Variants in ST8SIA1 observed in about 807,000 individuals in gnomAD.
ST8SIA1 encodes the protein alpha-N-acetylneuraminide alpha-2,8-sialyltransferase.
In ST8SIA1, 16 loss-of-function variants were observed where a neutral mutation model predicts 35.9. That is an observed-to-expected ratio of 0.45 (90% CI 0.30 to 0.68). The LOEUF (loss-of-function observed/expected upper bound fraction) is 0.68, where lower values mean the gene tolerates loss of function less well. Ranked by LOEUF, ST8SIA1 falls within the 30% of genes least tolerant of loss-of-function variation. ST8SIA1 has a pLI of 0.09. For synonymous variants in ST8SIA1, 170 were observed against 169.6 expected, an observed-to-expected ratio of 1.00 and a Z score of -0.02; for missense variants, 383 against 453.6, an observed-to-expected ratio of 0.84 and a Z score of 1.41.
rs1403798075 is a variant in ST8SIA1 at position 22,194,181 on chromosome 12, A to C, written c.*7371T>G. ...TTGTGAGTCCTGTATATTAATTATA[A>C]GGGGAGTGTCTATAGTAACCTATCA... On this transcript the variant is annotated 3_prime_UTR_variant, in exon 5 of 5. Coordinates refer to ENST00000396037, the MANE Select transcript of ST8SIA1 (RefSeq NM_003034.4). 3.3e-5 allele frequency: 5 copies of C among 152,160 alleles called. No homozygotes were observed. The highest frequency in any genetic ancestry group is 7.4e-5 in the Non-Finnish European group (5 of 68,026). 9.4% of individuals were successfully genotyped at this position (152,160 alleles called of 1,614,324 possible). A position where few individuals can be genotyped will look rare whatever the true frequency, so the allele number is the denominator to read the frequency against.
chr12:22,266,848 TACAC>T (rs145606826), intron 2 of ST8SIA1, among the ~76,000 whole-genome samples: 2,498 of 144,992 alleles, frequency 0.017, 18 homozygotes, highest in Middle Eastern at 0.049. Flanking sequence ...CACAAAAGTA[TACAC>T]ACACACACAC....
chr12:22,328,207 T>G (rs1203462044), intron 1 of ST8SIA1, among the ~76,000 whole-genome samples: 2 of 152,258 alleles, frequency 1.3e-5, no homozygotes, highest in Non-Finnish European at 2.9e-5. Context: ...CTTACTCCTC[T>G]GATCTGCTAC....
chr12:22,257,403 T>TA (rs1865740894), intron 2 of ST8SIA1, among the ~76,000 whole-genome samples: 1 of 120,868 alleles, frequency 8.3e-6, no homozygotes, highest in African/African-American at 3.1e-5. Flanking sequence ...TTTTTTTTTT[T>TA]AGTAGAGATA....
intron 2 of ST8SIA1, among the ~76,000 whole-genome samples, chr12:22,286,219 A>T (rs1423589719): frequency 6.6e-6 from 1 of 152,230 alleles, no homozygotes; most frequent in Non-Finnish European, 1.5e-5. Context: ...TAAGACCATT[A>T]AACTAGACTA....
chr12:22,249,918 C>T (rs2120752721), intron 3 of ST8SIA1, among the ~76,000 whole-genome samples: 1 of 152,246 alleles, frequency 6.6e-6, no homozygotes, highest in African/African-American at 2.4e-5. Context: ...GCATTCAGGG[C>T]CATGTACTAT....
At chr12:22,251,674 G>A (rs890145608) in intron 3 of ST8SIA1, among the ~76,000 whole-genome samples, 1 of 152,278 alleles carries the variant, frequency 6.6e-6, no homozygotes, top group Admixed American at 6.5e-5. Context: ...TAATTGTGGT[G>A]TAAAATGTTT....
At chr12:22,251,887 A>AT (rs1197499887) in intron 3 of ST8SIA1, among the ~76,000 whole-genome samples, 1 of 152,112 alleles carries the variant, frequency 6.6e-6, no homozygotes, top group African/African-American at 2.4e-5. Flanking sequence ...AATTACTTTA[A>AT]TTTTTTTGTA....
At chr12:22,261,655 T>C (rs1353410153) in intron 2 of ST8SIA1, among the ~76,000 whole-genome samples, 1 of 152,180 alleles carries the variant, frequency 6.6e-6, no homozygotes, top group Non-Finnish European at 1.5e-5. Flanking sequence ...GGCATTTCCT[T>C]ATATTGTAAT....
chr12:22,276,854 GA>G (rs59035534), intron 2 of ST8SIA1, among the ~76,000 whole-genome samples: 9 of 146,828 alleles, frequency 6.1e-5, no homozygotes, highest in South Asian at 2.2e-4. Context: ...AAATAAAATG[GA>G]AAAAAAAAAG....
At chr12:22,326,664 G>T (rs1476446535) in intron 1 of ST8SIA1, among the ~76,000 whole-genome samples, 1 of 152,174 alleles carries the variant, frequency 6.6e-6, no homozygotes, top group Non-Finnish European at 1.5e-5. Flanking sequence ...ACCCAGCCAA[G>T]TGAGGATGGT....
intron 4 of ST8SIA1, among the ~76,000 whole-genome samples, chr12:22,229,039 G>T (rs1865387123): frequency 8.5e-6 from 1 of 117,022 alleles, no homozygotes. Flanking sequence ...GGGTGACAGA[G>T]CAAGACTCCA....
chr12:22,264,530 A>T (rs1326482478), intron 2 of ST8SIA1, among the ~76,000 whole-genome samples: 4 of 152,216 alleles, frequency 2.6e-5, no homozygotes, highest in Non-Finnish European at 5.9e-5. Flanking sequence ...TCATTTAACT[A>T]GCCCCTTGGC....
chr12:22,202,209 T>A (rs1418444783), intron 4 of ST8SIA1, among the ~76,000 whole-genome samples, 171 bp from the exon 5 acceptor site: 1 of 152,188 alleles, frequency 6.6e-6, no homozygotes, highest in Non-Finnish European at 1.5e-5. Context: ...TTATCTCTCA[T>A]CAAATAGCCT....
At chr12:22,328,672 G>A (rs751759488) in intron 1 of ST8SIA1, among the ~76,000 whole-genome samples, 4 of 152,194 alleles carry the variant, frequency 2.6e-5, no homozygotes, top group Admixed American at 6.5e-5. Context: ...ATGGTATAAA[G>A]AAAACAGAGA....
intron 1 of ST8SIA1, among the ~76,000 whole-genome samples, chr12:22,299,822 C>G (rs1483416100): frequency 3.3e-5 from 5 of 152,116 alleles, no homozygotes; most frequent in Non-Finnish European, 7.4e-5. Flanking sequence ...TACTGACACT[C>G]TCCTTCAACT....
Position 22,334,063 on chromosome 12 carries a change from ATC to A in ST8SIA1, c.168_169del (p.Glu56AspfsTer40), listed in dbSNP as rs1565599990. On this transcript the variant is annotated frameshift_variant, in exon 1 of 5. Coordinates refer to ENST00000396037, the MANE Select transcript of ST8SIA1 (RefSeq NM_003034.4). LOFTEE classifies it high-confidence loss of function. ...GCCCTGTTGCAGCACCCCCTGCACGATCTCTTTCTCGTTGGGCAGCCGGTAGA... is the reference window on the plus strand; with the variant it reads ...GCCCTGTTGCAGCACCCCCTGCACGATCTTTCTCGTTGGGCAGCCGGTAGA... The A allele has an allele frequency of 6.2e-7, 1 of 1,613,368 alleles. No individual in the cohort carries two copies. Among genetic ancestry groups the A allele is most frequent in the South Asian group, 1.1e-5 (1 of 91,040 alleles).
chr12:22,226,244 T>G (rs1357327879), intron 4 of ST8SIA1, among the ~76,000 whole-genome samples: 1 of 152,222 alleles, frequency 6.6e-6, no homozygotes, highest in Non-Finnish European at 1.5e-5. Context: ...ATCTTGGTAC[T>G]TACCATGACA....
At chr12:22,295,284 A>AAAACTCTCT (rs1311845772) in intron 1 of ST8SIA1, among the ~76,000 whole-genome samples, 1 of 152,208 alleles carries the variant, frequency 6.6e-6, no homozygotes, top group Non-Finnish European at 1.5e-5. Context: ...TAGTGGAGTC[A>AAAACTCTCT]AAACTCTCTG....
chr12:22,287,039 G>A, intron 2 of ST8SIA1, 110 bp downstream of exon 2: 1 of 1,017,598 alleles, frequency 9.8e-7, no homozygotes, highest in East Asian at 2.5e-5. Context: ...AAAGAGAGAA[G>A]AAAGAAAACA....
Sources: allele counts gnomAD v4.1 joint callset (sites outside exome capture counted in the v4.1 genomes callset), GRCh38; gene constraint gnomAD v4.1.1; transcripts MANE v1.5; gene names NCBI Gene and HGNC (gene_info 2026-07-23, HGNC 2026-07-21).